The following IRF3 variants were observed in gnomAD, a reference collection of about 807,000 sequenced individuals.
IRF3 encodes interferon regulatory factor 3.
A neutral mutation model predicts 43.2 loss-of-function variants in IRF3; 29 were observed. The observed-to-expected ratio is 0.67, with a 90% CI of 0.50 to 0.91. IRF3 has a LOEUF of 0.91. Among genes scored for constraint, IRF3 ranks in the 40% least tolerant of loss-of-function variants. IRF3 has a pLI of 0.00. For synonymous variants in IRF3, 228 were observed against 233.9 expected (o/e 0.97, Z 0.23); for missense variants, 505 against 559.1 (o/e 0.90, Z 0.98).
chr19:49,665,680 T>G lies in IRF3; in HGVS notation c.-58A>C. 1 of 1,164,972 alleles carries G rather than the reference T, an allele frequency of 8.6e-7. No individual in the cohort carries two copies. The highest frequency in any genetic ancestry group is 1.2e-6 in the Non-Finnish European group (1 of 837,990). 72.2% of individuals were successfully genotyped at this position (1,164,972 alleles called of 1,614,324 possible). ...GGGCAGCTGGAACCCACCCCTGTCT[T>G]GGAGCTCCGGGTAGCTCTCAAACTC... is the stretch of plus-strand genomic sequence containing the variant. On this transcript the variant is annotated 5_prime_UTR_variant, in exon 1 of 8. Transcript: ENST00000377139.
chr19:49,659,899 A>G (rs1266619566), intron 7 of IRF3, 66 bp from the exon 8 acceptor site: 7 of 1,503,436 alleles, frequency 4.7e-6, no homozygotes, highest in Non-Finnish European at 6.3e-6. Flanking sequence ...GGTAGGAGTC[A>G]GGGCTTGGAG....
chr19:49,662,740 TC>T, intron 4 of IRF3, 123 bp from the exon 5 acceptor site: 1 of 790,732 alleles, frequency 1.3e-6, no homozygotes, highest in Non-Finnish European at 2.0e-6. Flanking sequence ...TCAAGGGGCT[TC>T]CAGCCTGGGG....
chr19:49,661,861 G>A, intron 6 of IRF3, 87 bp downstream of exon 6: 3 of 1,485,134 alleles, frequency 2.0e-6, no homozygotes, highest in Non-Finnish European at 2.7e-6. Flanking sequence ...CTACAGGCGT[G>A]AGCCACCGTG....
chr19:49,665,790 T>C lies in IRF3; in HGVS notation c.-168A>G, dbSNP rs758609363. ...ATCGACTTCTTGAAATAAAACCAAC[T>C]TTATCATTCTTTGGGTAACAGACCC... On this transcript the variant is annotated 5_prime_UTR_variant, in exon 1 of 8. Coordinates refer to ENST00000377139, the MANE Select transcript of IRF3 (RefSeq NM_001571.6). The C allele has an allele frequency of 6.4e-6, 10 of 1,564,042 alleles. No individual in the cohort carries two copies. The East Asian group carries it at 1.8e-4, about 29-fold the overall frequency.
At chr19:49,660,688 C>T (rs1318324566) in intron 7 of IRF3, 25 bp downstream of exon 7, 1 of 1,555,138 alleles carries the variant, frequency 6.4e-7, no homozygotes, top group Non-Finnish European at 8.7e-7. Flanking sequence ...CCCTTTCAGC[C>T]CCAGGGACTC....
chr19:49,664,939 A>G, intron 1 of IRF3, 93 bp from the exon 2 acceptor site: 2 of 1,320,186 alleles, frequency 1.5e-6, no homozygotes, highest in South Asian at 1.4e-5. Context: ...CTCACGGGCC[A>G]CGGCACAGGT....
At chr19:49,661,581 CT>C (rs1208510528) in intron 6 of IRF3, 261 of 160,176 alleles carry the variant, frequency 1.6e-3, no homozygotes, top group South Asian at 2.8e-3. Context: ...ATCATGAGTT[CT>C]TTTTTTTTTG....
rs1182258645 is a variant in IRF3 at position 49,664,856 on chromosome 19, T to TA, written c.-8-11dup. Reference sequence around the variant, plus strand: ...GTTCCCATGGTCCGGCCTGCGCGTATAGGGCATTTCCTGGGCGCGACCGGC... The same window carrying TA: ...GTTCCCATGGTCCGGCCTGCGCGTATAAGGGCATTTCCTGGGCGCGACCGGC... On this transcript the variant is annotated splice_polypyrimidine_tract_variant and intron_variant, in intron 1 of 7. Coordinates refer to ENST00000377139, the MANE Select transcript of IRF3 (RefSeq NM_001571.6). 1.0e-5 allele frequency: 16 copies of TA among 1,605,356 alleles called. No homozygotes were observed. Among genetic ancestry groups the TA allele is most frequent in the Non-Finnish European group, 1.4e-5 (16 of 1,175,232 alleles).
chr19:49,661,022 G>A, intron 6 of IRF3, 194 bp from the exon 7 acceptor site: 1 of 610,084 alleles, frequency 1.6e-6, no homozygotes, highest in South Asian at 2.1e-5. Flanking sequence ...GTTGTTGGAA[G>A]GCCACACCCC....
At position 49,660,775 on chromosome 19, in the gene IRF3, A is replaced by T. The variant is rs1249836290; in HGVS notation, c.1036T>A (p.Phe346Ile). The T allele has an allele frequency of 4.3e-6, 7 of 1,611,074 alleles. No homozygotes were observed. Among genetic ancestry groups the T allele is most frequent in the Non-Finnish European group, 5.9e-6 (7 of 1,178,932 alleles). ...SGRSPRYALWFCVGESWPQDQ... is the reference protein window; with the variant it reads ...SGRSPRYALWICVGESWPQDQ... ...TGGGGCCATGACTCCCCCACACAGAACCAGAGGGCATAGCGTGGTGAGCGT... is the reference window on the plus strand; with the variant it reads ...TGGGGCCATGACTCCCCCACACAGATCCAGAGGGCATAGCGTGGTGAGCGT... The change falls in exon 7 of 8, where the codon TTC (phenylalanine) becomes ATC (isoleucine). Residue 346 changes from phenylalanine to isoleucine, a missense_variant. Coordinates refer to ENST00000377139, the MANE Select transcript of IRF3 (RefSeq NM_001571.6).
chr19:49,664,610 C>G, intron 2 of IRF3, 64 bp downstream of exon 2: 2 of 1,610,778 alleles, frequency 1.2e-6, no homozygotes, highest in Non-Finnish European at 1.7e-6. Flanking sequence ...GCCGGGCCCA[C>G]TAGGAGTCCT....
intron 1 of IRF3, 88 bp from the exon 2 acceptor site, chr19:49,664,934 G>T (rs2081593326): frequency 7.3e-7 from 1 of 1,370,060 alleles, no homozygotes. Flanking sequence ...TCCTTCTCAC[G>T]GGCCACGGCA....
Position 49,662,380 on chromosome 19 carries a change from C to A in IRF3, c.601+45G>T, listed in dbSNP as rs781001281. ...GGGGAGAGGGGTTGAGAATCAGGGG[C>A]TGCCGCCCAGACCTCAGCCCTCCCA... is the stretch of plus-strand genomic sequence containing the variant. On this transcript the variant is annotated intron_variant, in intron 5 of 7. Coordinates refer to ENST00000377139, the MANE Select transcript of IRF3 (RefSeq NM_001571.6). The A allele has an allele frequency of 6.2e-6, 10 of 1,600,886 alleles. No homozygotes were observed. The Middle Eastern group carries it at 6.6e-4, about 106-fold the overall frequency.
rs543608536 is a variant in IRF3, at chr19:49,664,492, C to G, written c.165+182G>C. 1.9e-6 allele frequency: 3 copies of G among 1,553,456 alleles called. No homozygotes were observed. In the South Asian group the frequency reaches 3.5e-5, roughly 18 times the overall value. On this transcript the variant is annotated intron_variant, in intron 2 of 7. Coordinates refer to ENST00000377139, the MANE Select transcript of IRF3 (RefSeq NM_001571.6). ...AACCCTGCAGCTCCAACCCTGCTTG[C>G]GCCCCACCATCAGTCAGCGGATCCG... is the stretch of plus-strand genomic sequence containing the variant.
At position 49,662,023 on chromosome 19, in the gene IRF3, T is replaced by C. The variant is rs769404615; in HGVS notation, c.907A>G (p.Ser303Gly). The C allele has an allele frequency of 2.2e-5, 35 of 1,613,976 alleles. No individual in the cohort carries two copies. Among genetic ancestry groups the C allele is most frequent in the Non-Finnish European group, 3.0e-5 (35 of 1,179,972 alleles). ...WAVSEELLPN[S>G]GHGPDGEVPK... ...ACCTCGCCATCAGGCCCATGCCCGC[T>C]GTTGGGGAGCAGCTCCTCGCTCACT... The change falls in exon 6 of 8, where the codon AGC becomes GGC. Residue 303 changes from serine to glycine, a missense_variant. Transcript: ENST00000377139.
intron 7 of IRF3, among the ~76,000 whole-genome samples, 194 bp from the exon 8 acceptor site, chr19:49,660,027 A>ACACACCCCC (rs57168131): frequency 6.7e-4 from 50 of 74,748 alleles, no homozygotes; most frequent in African/African-American, 4.7e-3. Flanking sequence ...ACACACACAC[A>ACACACCCCC]CCCCCTGCTG....
chr19:49,661,688 T>G, intron 6 of IRF3: 1 of 391,004 alleles, frequency 2.6e-6, no homozygotes, highest in African/African-American at 2.1e-5. Context: ...CAAGCAATTC[T>G]CCTGCCTCAG....
Position 49,662,570 on chromosome 19 carries a change from G to T in IRF3, c.456C>A (p.Leu152=). ...CCAGGCTTGGGGGTCCCGGATCTGG[G>T]AGTGGGGCCAACACCATGTTACCCA... ...ELLGNMVLAP[L]PDPGPPSLAV... The change falls in exon 5 of 8, where the codon CTC becomes CTA. Residue 152 remains leucine, a synonymous_variant. Coordinates refer to ENST00000377139, the MANE Select transcript of IRF3 (RefSeq NM_001571.6). 6.5e-7 allele frequency: 1 copy of T among 1,527,396 alleles called. No individual in the cohort carries two copies. 94.6% of individuals were successfully genotyped at this position (1,527,396 alleles called of 1,614,324 possible). A position where few individuals can be genotyped will look rare whatever the true frequency, so the allele number is the denominator to read the frequency against.
chr19:49,664,967 G>C (rs2081595214), intron 1 of IRF3, 121 bp from the exon 2 acceptor site: 1 of 1,100,496 alleles, frequency 9.1e-7, no homozygotes, highest in South Asian at 1.6e-5. Flanking sequence ...CCATATTTTC[G>C]GGGGTACAAA....
Sources: allele counts gnomAD v4.1 joint callset (sites outside exome capture counted in the v4.1 genomes callset), GRCh38; gene constraint gnomAD v4.1.1; transcripts MANE v1.5; gene names NCBI Gene and HGNC (gene_info 2026-07-23, HGNC 2026-07-21).